SNTB2: variants seen among roughly 807,000 people sequenced by gnomAD.
SNTB2 encodes syntrophin beta 2, also known as beta-2-syntrophin.
Under a neutral mutation model 46.2 loss-of-function variants are expected in SNTB2, and 34 were observed. The observed-to-expected ratio is 0.74, with a 90% CI of 0.56 to 0.98. The LOEUF is 0.98. SNTB2 is among the 50% of genes least tolerant of loss of function. SNTB2 has a pLI of 0.00. For missense variants in SNTB2, 603 were observed against 731.4 expected, an observed-to-expected ratio of 0.82 and a Z score of 2.02; for synonymous variants, 290 against 312.6, an observed-to-expected ratio of 0.93 and a Z score of 0.76.
intron 1 of SNTB2, among the ~76,000 whole-genome samples, chr16:69,199,595 C>CATAAAAAAAAAAAAAAAAAAAAAAA (rs1964139845): frequency 1.3e-5 from 1 of 76,870 alleles, no homozygotes; most frequent in Non-Finnish European, 2.6e-5. Flanking sequence ...AACACTGCCT[C>CATAAAAAAAAAAAAAAAAAAAAAAA]AAAAAAAAAA....
chr16:69,206,989 A>G (rs1308496156), intron 1 of SNTB2, among the ~76,000 whole-genome samples: 1 of 150,046 alleles, frequency 6.7e-6, no homozygotes, highest in Non-Finnish European at 1.5e-5. Context: ...CTGGGCTTGA[A>G]CTCCTGATCT....
intron 2 of SNTB2, among the ~76,000 whole-genome samples, chr16:69,246,016 CAAG>C (rs1419020238): frequency 2.0e-5 from 3 of 152,028 alleles, no homozygotes. Flanking sequence ...AACAGACACA[CAAG>C]AAACTGTTAA....
chr16:69,295,751 T>C (rs1965217575), intron 5 of SNTB2, among the ~76,000 whole-genome samples: 1 of 148,712 alleles, frequency 6.7e-6, no homozygotes, highest in Admixed American at 6.7e-5. Flanking sequence ...AAAAAGCCAC[T>C]TCTCATACAC....
intron 1 of SNTB2, among the ~76,000 whole-genome samples, chr16:69,219,012 T>C (rs1233607333): frequency 6.6e-6 from 1 of 152,106 alleles, no homozygotes; most frequent in African/African-American, 2.4e-5. Context: ...CCATAACTAG[T>C]GGAATGGTTA....
chr16:69,245,478 A>G, intron 1 of SNTB2, 124 bp from the exon 2 acceptor site: 1 of 922,966 alleles, frequency 1.1e-6, no homozygotes, highest in Middle Eastern at 3.3e-4. Context: ...TACAGGAGTG[A>G]GCCACCGCGC....
chr16:69,261,580 G>A (rs1470767318), intron 3 of SNTB2, among the ~76,000 whole-genome samples: 1 of 151,820 alleles, frequency 6.6e-6, no homozygotes, highest in Non-Finnish European at 1.5e-5. Context: ...AGCATAATTA[G>A]AATAAAAAAT....
In SNTB2 at chr16:69,216,548, C is replaced by T. The variant is rs185498750; in HGVS notation, c.580+28802C>T. ...TAAAAAAAAAAAAAAATTAGCTGAGCATGGTGTGCACCTATAGTTTCAGCT... is the reference window on the plus strand; with the variant it reads ...TAAAAAAAAAAAAAAATTAGCTGAGTATGGTGTGCACCTATAGTTTCAGCT... On this transcript the variant is annotated intron_variant, in intron 1 of 6. Coordinates refer to ENST00000336278, the MANE Select transcript of SNTB2 (RefSeq NM_006750.4). 3.4e-3 allele frequency among the ~76,000 whole-genome samples: 520 copies of T among 151,568 alleles called. 3 individuals carry two copies. The highest frequency in any genetic ancestry group is 6.8e-3 in the Middle Eastern group (2 of 294).
chr16:69,281,098 T>C (rs1965038779), intron 4 of SNTB2, among the ~76,000 whole-genome samples: 1 of 152,168 alleles, frequency 6.6e-6, no homozygotes, highest in Non-Finnish European at 1.5e-5. Flanking sequence ...CCCGGCCTCA[T>C]TCTCTTAACA....
chr16:69,287,604 G>A (rs1439389400), intron 5 of SNTB2, among the ~76,000 whole-genome samples: 2 of 152,114 alleles, frequency 1.3e-5, no homozygotes, highest in Non-Finnish European at 2.9e-5. Context: ...GCTTATGCCT[G>A]TAGTCCCAGC....
intron 1 of SNTB2, among the ~76,000 whole-genome samples, chr16:69,229,510 C>T (rs1023920249): frequency 1.4e-5 from 2 of 142,020 alleles, no homozygotes; most frequent in Non-Finnish European, 3.0e-5. Context: ...CATGGTCTTA[C>T]TCTGTCACCC....
chr16:69,299,310 T>C (rs891215847), intron 5 of SNTB2, among the ~76,000 whole-genome samples: 2 of 151,988 alleles, frequency 1.3e-5, no homozygotes, highest in Non-Finnish European at 2.9e-5. Context: ...ACCCAGCTAA[T>C]TTTTATATTT....
intron 3 of SNTB2, among the ~76,000 whole-genome samples, chr16:69,265,421 A>G (rs1030853339): frequency 6.6e-6 from 1 of 152,206 alleles, no homozygotes; most frequent in Non-Finnish European, 1.5e-5. Flanking sequence ...GTGATAATAA[A>G]ATAAAGAACC....
chr16:69,245,572 A>G (rs78184213), intron 1 of SNTB2, 30 bp from the exon 2 acceptor site: 37,596 of 1,600,864 alleles, frequency 0.023, 518 homozygotes, highest in Non-Finnish European at 0.028. Context: ...CAAAATTACT[A>G]ACCTTCTTCT....
intron 3 of SNTB2, among the ~76,000 whole-genome samples, 162 bp downstream of exon 3, chr16:69,260,422 T>A (rs1237896733): frequency 1.3e-5 from 2 of 152,204 alleles, no homozygotes; most frequent in African/African-American, 4.8e-5. Flanking sequence ...CTTTTTCTCC[T>A]TCTACCTTTG....
At chr16:69,297,706 G>A (rs1388595453) in intron 5 of SNTB2, among the ~76,000 whole-genome samples, 3 of 151,962 alleles carry the variant, frequency 2.0e-5, no homozygotes, top group Non-Finnish European at 4.4e-5. Context: ...GCAGTCAGGA[G>A]TTCAAGACCA....
At chr16:69,246,600 C>G (rs1016368838) in intron 2 of SNTB2, among the ~76,000 whole-genome samples, 4 of 145,872 alleles carry the variant, frequency 2.7e-5, no homozygotes, top group African/African-American at 1.0e-4. Context: ...AGGATTCCCT[C>G]TTTTTCTGTT....
chr16:69,287,045 C>G (rs1445941162), intron 5 of SNTB2, among the ~76,000 whole-genome samples: 1 of 152,112 alleles, frequency 6.6e-6, no homozygotes, highest in Admixed American at 6.5e-5. Context: ...AGGAGTTACT[C>G]TACAAAAGTT....
At chr16:69,294,721 A>C (rs773932284) in intron 5 of SNTB2, among the ~76,000 whole-genome samples, 7 of 152,086 alleles carry the variant, frequency 4.6e-5, no homozygotes, top group Non-Finnish European at 8.8e-5. Context: ...CGACAGAGCG[A>C]GACTCCATCT....
At chr16:69,289,769 A>C (rs1965142544) in intron 5 of SNTB2, among the ~76,000 whole-genome samples, 1 of 152,108 alleles carries the variant, frequency 6.6e-6, no homozygotes, top group Non-Finnish European at 1.5e-5. Flanking sequence ...AAAAAATTAA[A>C]AAATTACCCA....
Sources: gnomAD v4.1 joint callset for allele counts (sites outside exome capture counted in the v4.1 genomes callset) on GRCh38, gnomAD v4.1.1 for gene constraint, MANE v1.5 for transcripts, NCBI Gene and HGNC (gene_info 2026-07-23, HGNC 2026-07-21) for gene names.